USP3: variants seen among roughly 807,000 people sequenced by gnomAD.
USP3 encodes ubiquitin carboxyl-terminal hydrolase 3.
Under a neutral mutation model 72.3 loss-of-function variants are expected in USP3, and 20 were observed. The ratio of observed to expected loss-of-function variants is 0.28; its 90% CI spans 0.19 to 0.40. USP3 has a LOEUF of 0.40. USP3 is among the 10% of genes least tolerant of loss of function. The probability of loss-of-function intolerance (pLI) is 1.00; values close to 1 mark genes in which losing one functional copy is unlikely to be tolerated. For missense variants in USP3, 479 were observed against 633.9 expected (o/e 0.76, Z 2.62); for synonymous variants, 222 against 225.3 (o/e 0.99, Z 0.13).
chr15:63,583,190 A>G (rs1285316605), intron 11 of USP3, among the ~76,000 whole-genome samples: 1 of 152,140 alleles, frequency 6.6e-6, no homozygotes, highest in Non-Finnish European at 1.5e-5. Flanking sequence ...ACAGGCAACA[A>G]TGTCTTGCTG....
At position 63,574,364 on chromosome 15, in the gene USP3, T is replaced by A. The variant is rs2066827295; in HGVS notation, c.1057T>A (p.Ser353Thr). The change falls in exon 11 of 15, where the codon TCT (serine) becomes ACT (threonine). Residue 353 changes from serine to threonine, a missense_variant. Physicochemically the swap from Ser to Thr is moderately conservative, Grantham distance 58. Coordinates refer to ENST00000380324, the MANE Select transcript of USP3 (RefSeq NM_006537.4). This position sits in a 1 kb window ranked among gnomAD's most constrained non-coding sequence, Gnocchi z 4.6. ...DIPSQFRSKR[S>T]KNQENGPVCS... ...TCCAAGTCAGTTCAGAAGTAAGCGC[T>A]CTAAGAATCAAGAAAATGGACCAGT... The A allele has an allele frequency of 6.2e-7, 1 of 1,606,578 alleles. No homozygotes were observed. Among genetic ancestry groups the A allele is most frequent in the Non-Finnish European group, 8.5e-7 (1 of 1,177,162 alleles).
intron 1 of USP3, among the ~76,000 whole-genome samples, chr15:63,525,699 G>C (rs528120594): frequency 1.2e-4 from 19 of 152,320 alleles, no homozygotes; most frequent in African/African-American, 4.3e-4. Flanking sequence ...AGGATTTATA[G>C]TGTACAGAAG....
intron 1 of USP3, among the ~76,000 whole-genome samples, chr15:63,527,469 A>G (rs1328268285): frequency 6.6e-6 from 1 of 152,236 alleles, no homozygotes; most frequent in Non-Finnish European, 1.5e-5. Flanking sequence ...TATTCTGTGT[A>G]GAGACAGTGA....
At chr15:63,526,578 A>G (rs764147544) in intron 1 of USP3, among the ~76,000 whole-genome samples, 28 of 152,208 alleles carry the variant, frequency 1.8e-4, no homozygotes, top group Non-Finnish European at 3.4e-4. Context: ...AAAATTGTGT[A>G]GGCGGGTGGT....
At chr15:63,521,722 C>T (rs936538493) in intron 1 of USP3, among the ~76,000 whole-genome samples, 1 of 152,158 alleles carries the variant, frequency 6.6e-6, no homozygotes, top group Non-Finnish European at 1.5e-5. Flanking sequence ...TTCTCTCTTC[C>T]ATTTAATTTA....
At chr15:63,559,761 A>C (rs1336289626) in intron 6 of USP3, 96 bp from the exon 7 acceptor site, 1 of 989,472 alleles carries the variant, frequency 1.0e-6, no homozygotes, top group East Asian at 2.7e-5. Context: ...ACAATTGAAA[A>C]ATGGCAGTTT....
At position 63,574,269 on chromosome 15, in the gene USP3, G is replaced by C; in HGVS notation, c.1016-54G>C. Reference sequence around the variant, plus strand: ...ATACATCAGTTTGTGAAATTATTTTGAATGGACATATATGCCTTTAACAGC... The same window carrying C: ...ATACATCAGTTTGTGAAATTATTTTCAATGGACATATATGCCTTTAACAGC... On this transcript the variant is annotated intron_variant, in intron 10 of 14. Coordinates refer to ENST00000380324, the MANE Select transcript of USP3 (RefSeq NM_006537.4). This position sits in a 1 kb window ranked among gnomAD's most constrained non-coding sequence, Gnocchi z 4.6. The C allele has an allele frequency of 6.8e-7, 1 of 1,475,026 alleles. No homozygotes were observed. The highest frequency in any genetic ancestry group is 9.1e-7 in the Non-Finnish European group (1 of 1,102,116). The allele number at this position is 1,475,026 out of a possible 1,614,324, so 91.4% of individuals were successfully genotyped here. A position where few individuals can be genotyped will look rare whatever the true frequency, so the allele number is the denominator to read the frequency against.
intron 2 of USP3, chr15:63,533,837 A>AC: frequency 8.1e-7 from 1 of 1,232,996 alleles, no homozygotes; most frequent in Non-Finnish European, 1.0e-6. Context: ...TGTACAGATA[A>AC]CTTTTTTTTA....
chr15:63,551,115 C>G (rs1319502658), intron 3 of USP3, among the ~76,000 whole-genome samples: 1 of 152,200 alleles, frequency 6.6e-6, no homozygotes, highest in Non-Finnish European at 1.5e-5. Context: ...CTGATTGTGA[C>G]TAATTTTATC....
chr15:63,548,340 G>C (rs114975931), intron 3 of USP3, among the ~76,000 whole-genome samples: 27 of 150,578 alleles, frequency 1.8e-4, no homozygotes, highest in African/African-American at 6.3e-4. Context: ...GTTTTTTTTG[G>C]GGGGGGACAG....
At chr15:63,589,992 T>G (rs1457341829) in intron 14 of USP3, among the ~76,000 whole-genome samples, 1 of 152,208 alleles carries the variant, frequency 6.6e-6, no homozygotes, top group Non-Finnish European at 1.5e-5. Flanking sequence ...AATTTAAAAA[T>G]GTAAAGTTCT....
At chr15:63,571,190 C>A (rs1054842320) in intron 9 of USP3, among the ~76,000 whole-genome samples, 3 of 152,132 alleles carry the variant, frequency 2.0e-5, no homozygotes, top group Non-Finnish European at 4.4e-5. Flanking sequence ...TTATTTTAGC[C>A]TGGATTTTGG....
intron 1 of USP3, among the ~76,000 whole-genome samples, chr15:63,505,498 A>G (rs1180177862): frequency 1.3e-5 from 2 of 152,198 alleles, no homozygotes; most frequent in Non-Finnish European, 2.9e-5. Flanking sequence ...GGCTGAGCCA[A>G]CAGCTGCTTT....
At position 63,568,886 on chromosome 15, in the gene USP3, T is replaced by A. The variant is rs117681605; in HGVS notation, c.762-1547T>A. ...TCTCATGTAGTTTAAAGAAGATGTG[T>A]TTGTAATGGTATAGGAAACATAGAA... On this transcript the variant is annotated intron_variant, in intron 8 of 14. Coordinates refer to ENST00000380324, the MANE Select transcript of USP3 (RefSeq NM_006537.4). Among the ~76,000 whole-genome samples the A allele has an allele frequency of 1.7e-3, 260 of 152,280 alleles. 3 individuals carry two copies. In the East Asian group the frequency reaches 0.023, roughly 13 times the overall value.
intron 1 of USP3, among the ~76,000 whole-genome samples, chr15:63,510,299 CAT>C (rs1177009428): frequency 6.6e-6 from 1 of 152,154 alleles, no homozygotes; most frequent in Non-Finnish European, 1.5e-5. Context: ...AGCTGATTAA[CAT>C]GTACATTTCC....
intron 1 of USP3, among the ~76,000 whole-genome samples, chr15:63,513,088 G>A (rs1034550357): frequency 1.3e-5 from 2 of 152,156 alleles, no homozygotes; most frequent in Non-Finnish European, 2.9e-5. Flanking sequence ...ATCAGTGTGA[G>A]CTGTTTCCAT....
chr15:63,546,545 C>T (rs1239065349), intron 3 of USP3, among the ~76,000 whole-genome samples: 2 of 152,098 alleles, frequency 1.3e-5, no homozygotes, highest in African/African-American at 2.4e-5. Context: ...ACAACTGTAG[C>T]GAATCAAGAA....
chr15:63,589,446 G>C, intron 14 of USP3, among the ~76,000 whole-genome samples: 1 of 152,176 alleles, frequency 6.6e-6, no homozygotes, highest in South Asian at 2.1e-4. Context: ...TTTTTGGTTT[G>C]AGAGTGGCTA....
intron 3 of USP3, among the ~76,000 whole-genome samples, chr15:63,539,593 G>A (rs2152662969): frequency 6.6e-6 from 1 of 152,192 alleles, no homozygotes; most frequent in Admixed American, 6.5e-5. Flanking sequence ...ATTTCGCTAT[G>A]GTCTGCTAAA....
Sources: gnomAD v4.1 joint callset for allele counts (sites outside exome capture counted in the v4.1 genomes callset) on GRCh38, gnomAD v4.1.1 for gene constraint, Gnocchi (gnomAD v3.1) non-coding constraint, MANE v1.5 for transcripts, NCBI Gene and HGNC (gene_info 2026-07-23, HGNC 2026-07-21) for gene names.